RUNDC3B: variants seen among roughly 807,000 people sequenced by gnomAD.
RUNDC3B encodes RUN domain-containing protein 3B.
RUNDC3B carries 33 observed loss-of-function variants against 58.4 expected under a neutral mutation model. The ratio of observed to expected loss-of-function variants is 0.56; its 90% CI spans 0.43 to 0.75. The LOEUF (loss-of-function observed/expected upper bound fraction) is 0.75, where lower values mean the gene tolerates loss of function less well. Among genes scored for constraint, RUNDC3B ranks in the 30% least tolerant of loss-of-function variants. RUNDC3B has a pLI of 0.00. For synonymous variants in RUNDC3B, 193 were observed against 195.2 expected (o/e 0.99, Z 0.10); for missense variants, 501 against 535.7 (o/e 0.94, Z 0.64).
At chr7:87,804,688 T>G (rs1388500760) in intron 8 of RUNDC3B, among the ~76,000 whole-genome samples, 2 of 152,168 alleles carry the variant, frequency 1.3e-5, no homozygotes, top group Non-Finnish European at 2.9e-5. Flanking sequence ...AGATAAGTGA[T>G]AAATAGAATC....
At chr7:87,669,399 G>A (rs1256028085) in intron 2 of RUNDC3B, among the ~76,000 whole-genome samples, 1 of 152,154 alleles carries the variant, frequency 6.6e-6, no homozygotes, top group African/African-American at 2.4e-5. Flanking sequence ...CTTGAACACA[G>A]CATACCATTG....
intron 10 of RUNDC3B, among the ~76,000 whole-genome samples, chr7:87,826,115 A>G (rs545479284): frequency 1.3e-5 from 2 of 152,268 alleles, no homozygotes; most frequent in East Asian, 1.9e-4. Context: ...GGGAGGGGCC[A>G]GGGGAAGAAT....
At chr7:87,677,998 A>G (rs1448902466) in intron 2 of RUNDC3B, among the ~76,000 whole-genome samples, 3 of 152,250 alleles carry the variant, frequency 2.0e-5, no homozygotes, top group African/African-American at 7.2e-5. Flanking sequence ...GATAAAGGAA[A>G]ACTAAGAATT....
intron 2 of RUNDC3B, among the ~76,000 whole-genome samples, chr7:87,680,629 C>A (rs1826833920): frequency 6.7e-6 from 1 of 150,066 alleles, no homozygotes; most frequent in Middle Eastern, 3.4e-3. Context: ...CCCGTTTCTA[C>A]CAAAAATACA....
At chr7:87,813,297 C>T (rs889915149) in intron 9 of RUNDC3B, among the ~76,000 whole-genome samples, 3 of 152,180 alleles carry the variant, frequency 2.0e-5, no homozygotes, top group Admixed American at 6.5e-5. Context: ...CAGTAGGTCA[C>T]GCAGAAAGCT....
intron 9 of RUNDC3B, among the ~76,000 whole-genome samples, chr7:87,814,883 A>T (rs1836947204): frequency 6.6e-6 from 1 of 152,174 alleles, no homozygotes; most frequent in South Asian, 2.1e-4. Context: ...TTAGAGGGAA[A>T]AACAAATATT....
At chr7:87,821,649 T>G (rs199747634) in intron 10 of RUNDC3B, among the ~76,000 whole-genome samples, 89 of 151,458 alleles carry the variant, frequency 5.9e-4, no homozygotes, top group Admixed American at 1.2e-3. Flanking sequence ...TATACTACAA[T>G]GCTACAGTAA....
At chr7:87,734,643 T>TGGA (rs1221626008) in intron 4 of RUNDC3B, among the ~76,000 whole-genome samples, 11 of 152,174 alleles carry the variant, frequency 7.2e-5, no homozygotes, top group Non-Finnish European at 1.3e-4. Context: ...TTCTTCACAC[T>TGGA]GTCATCATTT....
chr7:87,810,053 T>G (rs1467650065), intron 9 of RUNDC3B, among the ~76,000 whole-genome samples: 1 of 151,628 alleles, frequency 6.6e-6, no homozygotes, highest in Non-Finnish European at 1.5e-5. Context: ...ACAGTTTTAA[T>G]GATAGTAGAT....
chr7:87,751,119 C>G (rs1832956016), intron 6 of RUNDC3B, among the ~76,000 whole-genome samples: 1 of 152,176 alleles, frequency 6.6e-6, no homozygotes, highest in Non-Finnish European at 1.5e-5. Flanking sequence ...TTTCCCAGCA[C>G]CATTTATTAA....
chr7:87,694,235 C>A (rs908787614), intron 2 of RUNDC3B, among the ~76,000 whole-genome samples: 4 of 152,016 alleles, frequency 2.6e-5, no homozygotes, highest in Non-Finnish European at 5.9e-5. Flanking sequence ...TGTGAAGTAG[C>A]AGCTCAGGGA....
chr7:87,661,379 G>A (rs1375931705), intron 2 of RUNDC3B, among the ~76,000 whole-genome samples: 1 of 150,122 alleles, frequency 6.7e-6, no homozygotes, highest in Non-Finnish European at 1.5e-5. Flanking sequence ...CTACATTTTT[G>A]TACCCATTAA....
intron 4 of RUNDC3B, among the ~76,000 whole-genome samples, chr7:87,735,997 T>C (rs1831907086): frequency 6.6e-6 from 1 of 152,184 alleles, no homozygotes; most frequent in African/African-American, 2.4e-5. Context: ...TTACTGAATC[T>C]CACATTCTTG....
chr7:87,693,877 G>A (rs1235423658), intron 2 of RUNDC3B: 2 of 1,596,702 alleles, frequency 1.3e-6, no homozygotes, highest in Non-Finnish European at 1.7e-6. Context: ...TTAAATATCT[G>A]TGTGTTGTTG....
At chr7:87,797,750 C>G (rs934640063) in intron 8 of RUNDC3B, among the ~76,000 whole-genome samples, 2 of 152,066 alleles carry the variant, frequency 1.3e-5, no homozygotes, top group Non-Finnish European at 2.9e-5. Flanking sequence ...CACTGATGTC[C>G]TACCTCTTTT....
rs370844239 is a variant in RUNDC3B, at chr7:87,747,423, T to C, written c.629+5844T>C. Among the ~76,000 whole-genome samples the C allele has an allele frequency of 3.3e-5, 5 of 152,250 alleles. No homozygotes were observed. In the East Asian group the frequency reaches 7.7e-4, roughly 24 times the overall value. ...AATGGACTCTGTGAGGGTTGTTAGC[T>C]TTGGTGGTTTAATGCTCTATTTTTG... is the stretch of plus-strand genomic sequence containing the variant. On this transcript the variant is annotated intron_variant, in intron 6 of 10. Transcript: ENST00000394654.
chr7:87,746,749 A>G (rs1279417919), intron 6 of RUNDC3B, among the ~76,000 whole-genome samples: 2 of 152,044 alleles, frequency 1.3e-5, no homozygotes, highest in Non-Finnish European at 2.9e-5. Context: ...ATGGTTGGTG[A>G]GTTCTTATCC....
chr7:87,831,502 A>T lies in RUNDC3B; in HGVS notation c.*1472A>T, dbSNP rs762115079. The stretch of plus-strand genomic sequence containing the variant: ...CAAAGGCCTGGAAGCCCTTAAAATA[A>T]GTTATCTTAGATGTGCCAGAACATA... On this transcript the variant is annotated 3_prime_UTR_variant, in exon 11 of 11. Coordinates refer to ENST00000394654, the MANE Select transcript of RUNDC3B (RefSeq NM_001134405.2). The T allele has an allele frequency of 1.3e-5, 2 of 151,960 alleles. No individual in the cohort carries two copies. Among genetic ancestry groups the T allele is most frequent in the Non-Finnish European group, 2.9e-5 (2 of 67,856 alleles). The allele number at this position is 151,960 out of a possible 1,614,324, so 9.4% of individuals were successfully genotyped here.
chr7:87,782,268 G>C (rs578189471), intron 8 of RUNDC3B, among the ~76,000 whole-genome samples: 2 of 152,008 alleles, frequency 1.3e-5, no homozygotes, highest in East Asian at 3.9e-4. Context: ...AAAACTGTTC[G>C]TAATAGTCTC....
Sources: allele counts gnomAD v4.1 joint callset (sites outside exome capture counted in the v4.1 genomes callset), GRCh38; gene constraint gnomAD v4.1.1; transcripts MANE v1.5; gene names NCBI Gene and HGNC (gene_info 2026-07-23, HGNC 2026-07-21).